The following PKD1L3 variants were observed in gnomAD, a reference collection of about 807,000 sequenced individuals.
PKD1L3 encodes the protein polycystin 1 like 3, transient receptor potential channel interacting.
PKD1L3 carries 239 observed loss-of-function variants against 184.1 expected under a neutral mutation model. That is an observed-to-expected ratio of 1.30 (90% CI 1.17 to 1.45). The LOEUF (loss-of-function observed/expected upper bound fraction) is 1.45. Among genes scored for constraint, PKD1L3 ranks in the 40% most tolerant of loss-of-function variants. The pLI is 0.00. For missense variants in PKD1L3, 2,660 were observed against 2,067.2 expected, an observed-to-expected ratio of 1.29 and a Z score of -5.56; for synonymous variants, 996 against 778.8, an observed-to-expected ratio of 1.28 and a Z score of -4.64.
At chr16:71,963,754 G>A (rs1006752034) in intron 15 of PKD1L3, among the ~76,000 whole-genome samples, 2 of 151,970 alleles carry the variant, frequency 1.3e-5, no homozygotes, top group Non-Finnish European at 2.9e-5. Flanking sequence ...CTGCATTCTA[G>A]CTTGGGTGAC....
chr16:71,992,273 T>A (rs1004471373), intron 3 of PKD1L3, among the ~76,000 whole-genome samples: 2 of 152,220 alleles, frequency 1.3e-5, no homozygotes, highest in Non-Finnish European at 2.9e-5. Context: ...TTTTTCCCAA[T>A]GAGGAGATTT....
Position 71,954,316 on chromosome 16 carries a change from C to T in PKD1L3, c.2613-15G>A. The T allele has an allele frequency of 6.6e-7, 1 of 1,504,456 alleles. No homozygotes were observed. The highest frequency in any genetic ancestry group is 1.4e-5 in the African/African-American group (1 of 71,628). The allele number at this position is 1,504,456 out of a possible 1,614,324, so 93.2% of individuals were successfully genotyped here. A position where few individuals can be genotyped will look rare whatever the true frequency, so the allele number is the denominator to read the frequency against. On this transcript the variant is annotated splice_polypyrimidine_tract_variant and intron_variant, in intron 16 of 29. Coordinates refer to ENST00000620267, the MANE Select transcript of PKD1L3 (RefSeq NM_181536.2). ...AAAACAGATGTCTGAAAAGAGAAAT[C>T]AGAAGAGGAAATACATGAGATTTTA...
chr16:71,952,573 G>T (rs931968472), intron 18 of PKD1L3, among the ~76,000 whole-genome samples: 1 of 151,004 alleles, frequency 6.6e-6, no homozygotes, highest in African/African-American at 2.4e-5. Context: ...GGTGGCTTAC[G>T]CCTGAAATCC....
chr16:71,952,592 T>TGGGAGGCCAAGGTGGAAGGATGGC (rs1555516718), intron 18 of PKD1L3, among the ~76,000 whole-genome samples: 1 of 147,376 alleles, frequency 6.8e-6, no homozygotes. Flanking sequence ...CCCAGCACTT[T>TGGGAGGCCAAGGTGGAAGGATGGC]GGGAGGCCAA....
At chr16:71,933,645 CAA>C (rs1567485840) in intron 27 of PKD1L3, 124 bp from the exon 28 acceptor site, 2 of 772,978 alleles carry the variant, frequency 2.6e-6, no homozygotes, top group East Asian at 5.4e-5. Flanking sequence ...AAATTATGCC[CAA>C]AGAATACATA....
At chr16:71,966,015 A>G (rs147525612) in intron 15 of PKD1L3, among the ~76,000 whole-genome samples, 63 of 152,092 alleles carry the variant, frequency 4.1e-4, no homozygotes, top group African/African-American at 1.5e-3. Context: ...TGATTTGTGC[A>G]TACTGGAACA....
intron 28 of PKD1L3, among the ~76,000 whole-genome samples, chr16:71,931,654 G>A (rs2037974718): frequency 2.0e-5 from 3 of 151,692 alleles, no homozygotes; most frequent in Admixed American, 2.0e-4. Context: ...AGTAGAGACG[G>A]GATTTTACCA....
chr16:71,976,642 C>T (rs977015840), intron 11 of PKD1L3, among the ~76,000 whole-genome samples: 20 of 152,176 alleles, frequency 1.3e-4, no homozygotes, highest in African/African-American at 3.6e-4. Context: ...AAAGTGGCCA[C>T]ATGAAGTAGC....
At chr16:71,992,956 T>G (rs1305722490) in intron 3 of PKD1L3, among the ~76,000 whole-genome samples, 1 of 152,206 alleles carries the variant, frequency 6.6e-6, no homozygotes, top group Non-Finnish European at 1.5e-5. Flanking sequence ...GACGACTACT[T>G]TGTTGATGAA....
In PKD1L3 at chr16:71,951,550, C is replaced by T. The variant is rs975305195; in HGVS notation, c.3190+14G>A. On this transcript the variant is annotated intron_variant, in intron 19 of 29. Transcript: ENST00000620267. ...CAGATGGAAGATTCGTTACTGAAAT[C>T]TACTGAAGTTTACCACGTGCCCAGT... The T allele has an allele frequency of 3.2e-6, 5 of 1,543,250 alleles. No individual in the cohort carries two copies. The highest frequency in any genetic ancestry group is 4.4e-6 in the Non-Finnish European group (5 of 1,142,984).
chr16:71,974,387 A>T (rs1311725399), intron 11 of PKD1L3, among the ~76,000 whole-genome samples: 1 of 152,126 alleles, frequency 6.6e-6, no homozygotes, highest in Non-Finnish European at 1.5e-5. Context: ...ACCAAGAAAA[A>T]CTGAGTCCAT....
At chr16:71,934,524 A>C (rs2038107959) in intron 26 of PKD1L3, among the ~76,000 whole-genome samples, 1 of 152,178 alleles carries the variant, frequency 6.6e-6, no homozygotes, top group Admixed American at 6.5e-5. Flanking sequence ...TCTGTGGCAC[A>C]CTAATCCTGT....
chr16:71,967,120 A>G lies in PKD1L3; in HGVS notation c.2465+17T>C. The stretch of plus-strand genomic sequence containing the variant: ...CCACAAAGCAGCAGCAACAGCCAAC[A>G]GGATATAAGTACTCACCAGGAGGGA... On this transcript the variant is annotated intron_variant, in intron 15 of 29. Coordinates refer to ENST00000620267, the MANE Select transcript of PKD1L3 (RefSeq NM_181536.2). 12 of 1,543,312 alleles carry G rather than the reference A, an allele frequency of 7.8e-6. No individual in the cohort carries two copies. The highest frequency in any genetic ancestry group is 1.1e-5 in the Non-Finnish European group (12 of 1,142,460).
At chr16:71,989,630 T>C (rs924790469) in intron 4 of PKD1L3, among the ~76,000 whole-genome samples, 1 of 152,254 alleles carries the variant, frequency 6.6e-6, no homozygotes, top group Non-Finnish European at 1.5e-5. Context: ...TCTACCTTTA[T>C]TTCCTTTCCC....
rs113888371 is a variant in PKD1L3 at position 71,976,736 on chromosome 16, T to C, written c.1759+500A>G. On this transcript the variant is annotated intron_variant, in intron 11 of 29. Transcript: ENST00000620267. Reference sequence around the variant, plus strand: ...GAGTTCAAGACCAGCCTGGGCAACATGGCAAGACCCTGTCTCCACTTTTTG... The same window carrying C: ...GAGTTCAAGACCAGCCTGGGCAACACGGCAAGACCCTGTCTCCACTTTTTG... Among the ~76,000 whole-genome samples, 74 of 152,292 alleles carry C rather than the reference T, an allele frequency of 4.9e-4. 1 individual carries two copies. Among genetic ancestry groups the C allele is most frequent in the African/African-American group, 1.5e-3 (62 of 41,570 alleles).
At position 71,942,738 on chromosome 16, in the gene PKD1L3, C is replaced by T. The variant is rs1597288987; in HGVS notation, c.4146G>A (p.Gln1382=). Residue 1382 remains glutamine, a synonymous_variant, in exon 24 of 30, where the codon CAG becomes CAA. Transcript: ENST00000620267. ...TKTYEKVDEG[Q]LAFCDNGHTC... ...TATGGCCGTTATCACAAAACGCCAG[C>T]TGACCTTCGTCCACTTTCTCATAGG... 1 of 1,551,718 alleles carries T rather than the reference C, an allele frequency of 6.4e-7. No individual in the cohort carries two copies. The highest frequency in any genetic ancestry group is 8.7e-7 in the Non-Finnish European group (1 of 1,146,998).
At chr16:71,947,894 G>C (rs2038680231) in intron 21 of PKD1L3, among the ~76,000 whole-genome samples, 1 of 149,446 alleles carries the variant, frequency 6.7e-6, no homozygotes, top group South Asian at 2.1e-4. Context: ...AGTATCTTTG[G>C]AAAACCTCTG....
chr16:71,943,096 T>C (rs886064805), intron 23 of PKD1L3, 72 bp from the exon 24 acceptor site: 3 of 1,264,978 alleles, frequency 2.4e-6, no homozygotes, highest in Admixed American at 4.8e-5. Context: ...TTTTTCATTT[T>C]TCCTAAGTCT....
chr16:71,996,388 G>C (rs1391905893), intron 2 of PKD1L3, among the ~76,000 whole-genome samples: 1 of 150,912 alleles, frequency 6.6e-6, no homozygotes, highest in Non-Finnish European at 1.5e-5. Context: ...AGCCTCCTGA[G>C]TACCTGGGAC....
Sources: gnomAD v4.1 joint callset for allele counts (sites outside exome capture counted in the v4.1 genomes callset) on GRCh38, gnomAD v4.1.1 for gene constraint, MANE v1.5 for transcripts, NCBI Gene and HGNC (gene_info 2026-07-23, HGNC 2026-07-21) for gene names.